Variants in GLYATL2 observed in about 807,000 individuals in gnomAD.
The protein encoded by GLYATL2 is glycine-N-acyltransferase like 2.
In GLYATL2, 25 loss-of-function variants were observed where a neutral mutation model predicts 21.4. The observed-to-expected ratio is 1.17, with a 90% CI of 0.85 to 1.63. GLYATL2 has a LOEUF of 1.63. Ranked by LOEUF, GLYATL2 falls within the 40% of genes most tolerant of loss-of-function variation. The pLI is 0.00. For missense variants in GLYATL2, 361 were observed against 343.3 expected (o/e 1.05, Z -0.41); for synonymous variants, 114 against 118.2 (o/e 0.96, Z 0.23).
At chr11:58,875,225 G>A (rs1438216518) in intron 1 of GLYATL2, among the ~76,000 whole-genome samples, 2 of 152,092 alleles carry the variant, frequency 1.3e-5, no homozygotes, top group Non-Finnish European at 2.9e-5. Context: ...CACACTGATG[G>A]GTCTTGACTC....
chr11:58,866,048 C>G (rs1193640711), intron 1 of GLYATL2, among the ~76,000 whole-genome samples: 1 of 148,792 alleles, frequency 6.7e-6, no homozygotes, highest in Non-Finnish European at 1.5e-5. Context: ...TCCCAAATCC[C>G]TGATCTAGCT....
At chr11:58,880,034 A>C (rs936023685) in intron 1 of GLYATL2, among the ~76,000 whole-genome samples, 2 of 151,622 alleles carry the variant, frequency 1.3e-5, no homozygotes, top group Admixed American at 6.6e-5. Flanking sequence ...AATTTTTTGT[A>C]TTTTTAGTAG....
At chr11:58,879,867 T>C (rs1854301817) in intron 1 of GLYATL2, among the ~76,000 whole-genome samples, 2 of 151,198 alleles carry the variant, frequency 1.3e-5, no homozygotes, top group Admixed American at 1.3e-4. Context: ...TTTTTTTTTT[T>C]TTTTCTTTGG....
chr11:58,857,888 CAAAAA>C (rs545952478), intron 1 of GLYATL2, among the ~76,000 whole-genome samples: 34 of 108,466 alleles, frequency 3.1e-4, no homozygotes, highest in African/African-American at 1.2e-3. Flanking sequence ...TTTTCCCCTC[CAAAAA>C]AAAAAAAAAA....
intron 1 of GLYATL2, among the ~76,000 whole-genome samples, chr11:58,879,705 G>A (rs946304708): frequency 4.6e-5 from 7 of 152,134 alleles, no homozygotes; most frequent in African/African-American, 1.4e-4. Flanking sequence ...GTTTTAATGG[G>A]TACAGTTTCT....
chr11:58,900,508 C>T (rs925548110), intron 1 of GLYATL2, among the ~76,000 whole-genome samples: 1 of 152,210 alleles, frequency 6.6e-6, no homozygotes, highest in Non-Finnish European at 1.5e-5. Flanking sequence ...TCCCCGCTGT[C>T]AGCACCAGAA....
intron 1 of GLYATL2, among the ~76,000 whole-genome samples, chr11:58,877,165 G>A (rs558298457): frequency 2.0e-4 from 30 of 152,364 alleles, no homozygotes; most frequent in African/African-American, 6.3e-4. Flanking sequence ...GGAGTAACCC[G>A]ATTTTCCAGG....
Position 58,837,062 on chromosome 11 carries a change from G to A in GLYATL2, c.429C>T (p.Thr143=). 2 of 1,613,732 alleles carry A rather than the reference G, an allele frequency of 1.2e-6. No individual in the cohort carries two copies. Among genetic ancestry groups the A allele is most frequent in the Non-Finnish European group, 1.7e-6 (2 of 1,179,722 alleles). The part of the protein sequence containing the change: ...FIPELPKKHK[T]SSNDKMELFE... Reference sequence around the variant, plus strand: ...ATAACTCCATCTTGTCATTACTTGAGGTCTTGTGTTTCTTTGGTAATTCCG... The same window carrying A: ...ATAACTCCATCTTGTCATTACTTGAAGTCTTGTGTTTCTTTGGTAATTCCG... Residue 143 remains threonine (T), a synonymous_variant, in exon 5 of 6, where the codon ACC becomes ACT. Coordinates refer to ENST00000287275, the MANE Select transcript of GLYATL2 (RefSeq NM_145016.4).
chr11:58,880,653 G>T (rs1590744016), intron 1 of GLYATL2, among the ~76,000 whole-genome samples: 2 of 152,114 alleles, frequency 1.3e-5, no homozygotes, highest in East Asian at 3.8e-4. Flanking sequence ...AAAAAGACCA[G>T]GTTTTTTGTT....
At chr11:58,906,042 T>C (rs573085649), upstream of GLYATL2, among the ~76,000 whole-genome samples, 10 of 152,278 alleles carry the variant, frequency 6.6e-5, 1 homozygote, top group East Asian at 1.7e-3. Context: ...AGAGAAGTCT[T>C]CCCAACACCT....
chr11:58,860,305 A>G (rs549016050), intron 1 of GLYATL2, among the ~76,000 whole-genome samples: 1 of 146,126 alleles, frequency 6.8e-6, no homozygotes, highest in South Asian at 2.3e-4. Context: ...ATGTTTAATA[A>G]TTTCCACTAT....
intron 1 of GLYATL2, among the ~76,000 whole-genome samples, chr11:58,856,659 G>A (rs1394649964): frequency 6.6e-6 from 1 of 152,188 alleles, no homozygotes; most frequent in African/African-American, 2.4e-5. Context: ...AGAGGAGAGG[G>A]AGAGAGTCTG....
At chr11:58,854,317 G>C (rs1030543735) in intron 1 of GLYATL2, among the ~76,000 whole-genome samples, 21 of 152,188 alleles carry the variant, frequency 1.4e-4, no homozygotes, top group African/African-American at 4.8e-4. Context: ...GATATGGAGG[G>C]TTTAGTTCCA....
chr11:58,850,920 C>G (rs1853730187), intron 1 of GLYATL2, among the ~76,000 whole-genome samples: 1 of 152,174 alleles, frequency 6.6e-6, no homozygotes, highest in Non-Finnish European at 1.5e-5. Context: ...GGGCACCTGG[C>G]TCTGCCCTCT....
At chr11:58,905,513 T>C (rs1303685186), upstream of GLYATL2, 1 of 456,014 alleles carries the variant, frequency 2.2e-6, no homozygotes, top group Non-Finnish European at 4.4e-6. Flanking sequence ...CTGCTCCCAC[T>C]CGCAATCAAA....
intron 1 of GLYATL2, among the ~76,000 whole-genome samples, chr11:58,856,126 T>G (rs1853823757): frequency 6.7e-6 from 1 of 150,124 alleles, no homozygotes; most frequent in Non-Finnish European, 1.5e-5. Flanking sequence ...AGAGTGAAAC[T>G]CTGTCTAAAA....
At chr11:58,838,919 G>A (rs1853493169) in intron 2 of GLYATL2, among the ~76,000 whole-genome samples, 1 of 152,116 alleles carries the variant, frequency 6.6e-6, no homozygotes, top group Admixed American at 6.5e-5. Context: ...TATCTGAACT[G>A]GGTCTTGATG....
chr11:58,908,927 A>C (rs1053809247), upstream of GLYATL2, among the ~76,000 whole-genome samples: 2 of 152,186 alleles, frequency 1.3e-5, no homozygotes, highest in Non-Finnish European at 2.9e-5. Flanking sequence ...TAATATTATC[A>C]TCCTTATTTT....
rs780455403 is a variant in GLYATL2, at chr11:58,866,390, C to T, written n.61-28022G>A. ...AGCTTTCTTTTGCTACAGAAAGATG[C>T]AACCACATCTAAAGCCACCATCATT... On this transcript the variant is annotated intron_variant and non_coding_transcript_variant, in intron 1 of 4. Coordinates refer to the GLYATL2 transcript ENST00000533636. Among the ~76,000 whole-genome samples the T allele has an allele frequency of 8.7e-5, 13 of 148,878 alleles. 2 individuals are homozygous for T. Among genetic ancestry groups the T allele is most frequent in the Non-Finnish European group, 1.5e-4 (10 of 67,152 alleles).
Sources: allele counts gnomAD v4.1 joint callset (sites outside exome capture counted in the v4.1 genomes callset), GRCh38; gene constraint gnomAD v4.1.1; transcripts MANE v1.5; gene names NCBI Gene and HGNC (gene_info 2026-07-23, HGNC 2026-07-21).